Variants in HSF5 observed in about 807,000 individuals in gnomAD.
HSF5 encodes heat shock transcription factor 5.
A neutral mutation model predicts 50.8 loss-of-function variants in HSF5; 5 were observed. That is an observed-to-expected ratio of 0.10 (90% CI 0.05 to 0.21). HSF5 has a LOEUF of 0.21. HSF5 is among the 10% of genes least tolerant of loss of function. HSF5 has a pLI of 1.00. For missense variants in HSF5, 564 were observed against 762.6 expected (o/e 0.74, Z 3.07); for synonymous variants, 307 against 307.4 (o/e 1.00, Z 0.02).
intron 1 of HSF5, among the ~76,000 whole-genome samples, chr17:58,484,219 AC>A (rs1975136880): frequency 6.6e-6 from 1 of 151,822 alleles, no homozygotes; most frequent in African/African-American, 2.4e-5. Flanking sequence ...AAAAAAAAAA[AC>A]ACCAAACAGG....
intron 1 of HSF5, among the ~76,000 whole-genome samples, chr17:58,481,533 A>G (rs1376980614): frequency 1.3e-5 from 2 of 152,238 alleles, no homozygotes; most frequent in Non-Finnish European, 2.9e-5. Context: ...GTTCCTTTCA[A>G]TTTACTAAGC....
At chr17:58,466,232 T>C (rs185385145) in intron 3 of HSF5, among the ~76,000 whole-genome samples, 8 of 152,344 alleles carry the variant, frequency 5.3e-5, no homozygotes, top group African/African-American at 1.4e-4. Flanking sequence ...GTTTACAACA[T>C]AGGGGCTATG....
Position 58,466,832 on chromosome 17 carries a change from C to T in HSF5, c.1020+53G>A, listed in dbSNP as rs1250421412. ...ATTACACTTTGAAATTTTGCAATAT[C>T]GATAAAATTGCACATAAAGCGCGGA... is the stretch of plus-strand genomic sequence containing the variant. On this transcript the variant is annotated intron_variant, in intron 3 of 5. Coordinates refer to ENST00000323777, the MANE Select transcript of HSF5 (RefSeq NM_001080439.3). 26 of 1,085,594 alleles carry T rather than the reference C, an allele frequency of 2.4e-5. 1 individual carries two copies. The highest frequency in any genetic ancestry group is 2.4e-4 in the East Asian group (10 of 42,348). The allele number at this position is 1,085,594 out of a possible 1,614,324, so 67.2% of individuals were successfully genotyped here. A position where few individuals can be genotyped will look rare whatever the true frequency, so the allele number is the denominator to read the frequency against.
intron 2 of HSF5, among the ~76,000 whole-genome samples, chr17:58,479,603 T>C (rs1975071385): frequency 6.6e-6 from 1 of 152,068 alleles, no homozygotes; most frequent in Non-Finnish European, 1.5e-5. Flanking sequence ...ACATCTGGCC[T>C]TGGGGTACTA....
intron 4 of HSF5, among the ~76,000 whole-genome samples, chr17:58,460,666 C>T (rs1444855912): frequency 2.0e-5 from 3 of 151,328 alleles, no homozygotes; most frequent in African/African-American, 7.3e-5. Flanking sequence ...CCCACCACCA[C>T]GCCCGGCTAA....
chr17:58,429,936 A>G (rs1598179897), intron 5 of HSF5, among the ~76,000 whole-genome samples: 2 of 152,166 alleles, frequency 1.3e-5, no homozygotes, highest in Non-Finnish European at 1.5e-5. Flanking sequence ...GACCAGACAA[A>G]AAGAAGGGGA....
intron 5 of HSF5, among the ~76,000 whole-genome samples, chr17:58,430,176 C>A (rs570016571): frequency 6.6e-6 from 1 of 152,214 alleles, no homozygotes; most frequent in African/African-American, 2.4e-5. Context: ...CAGGTTCAAG[C>A]AATTCTCCTG....
chr17:58,482,940 T>TA (rs1567919855), intron 1 of HSF5, among the ~76,000 whole-genome samples: 75 of 145,044 alleles, frequency 5.2e-4, no homozygotes, highest in Non-Finnish European at 7.8e-4. Context: ...ACTCTGTCTT[T>TA]TAAAAAAAAA....
At chr17:58,487,040 T>TGG (rs775148209) in intron 1 of HSF5, among the ~76,000 whole-genome samples, 27 of 151,796 alleles carry the variant, frequency 1.8e-4, no homozygotes, top group Non-Finnish European at 1.3e-4. Context: ...CCTAAGTAGC[T>TGG]GGGATTACAG....
chr17:58,429,794 C>A (rs1449059605), intron 5 of HSF5, among the ~76,000 whole-genome samples: 2 of 146,446 alleles, frequency 1.4e-5, no homozygotes, highest in Non-Finnish European at 1.5e-5. Flanking sequence ...TGCAGTGAGC[C>A]AAGATCACAC....
intron 5 of HSF5, among the ~76,000 whole-genome samples, chr17:58,424,514 AG>A (rs1193004960): frequency 2.0e-5 from 3 of 151,688 alleles, no homozygotes; most frequent in African/African-American, 7.3e-5. Flanking sequence ...AGGGAGGCTG[AG>A]GCAGGAGAAT....
chr17:58,456,164 TATAC>T (rs756839253), intron 5 of HSF5, among the ~76,000 whole-genome samples: 3,051 of 130,544 alleles, frequency 0.023, 36 homozygotes, highest in Middle Eastern at 0.044. Context: ...TGTGTGTGTA[TATAC>T]ACACACACAC....
intron 5 of HSF5, among the ~76,000 whole-genome samples, chr17:58,434,351 C>A (rs1261848611): frequency 6.6e-6 from 1 of 151,558 alleles, no homozygotes; most frequent in African/African-American, 2.4e-5. Context: ...GAAATCGAGA[C>A]CATCCCGGCC....
At chr17:58,441,391 G>GT (rs1325049417) in intron 5 of HSF5, among the ~76,000 whole-genome samples, 1 of 152,144 alleles carries the variant, frequency 6.6e-6, no homozygotes, top group Non-Finnish European at 1.5e-5. Context: ...GAAATGTATA[G>GT]TTTTAAATGT....
intron 2 of HSF5, among the ~76,000 whole-genome samples, chr17:58,478,832 C>T (rs539825043): frequency 1.9e-4 from 27 of 144,014 alleles, no homozygotes; most frequent in African/African-American, 6.9e-4. Context: ...CACTGCACTC[C>T]AGCCTGGGCA....
At position 58,435,845 on chromosome 17, in the gene HSF5, G is replaced by A. The variant is rs1974421122; in HGVS notation, c.1721-13415C>T. ...ACCTGGGAGGTGGAGCTTGTAGTGAGCCAAGATCACGCCACTGCACCGCAG... is the reference window on the plus strand; with the variant it reads ...ACCTGGGAGGTGGAGCTTGTAGTGAACCAAGATCACGCCACTGCACCGCAG... On this transcript the variant is annotated intron_variant, in intron 5 of 5. Coordinates refer to ENST00000323777, the MANE Select transcript of HSF5 (RefSeq NM_001080439.3). Among the ~76,000 whole-genome samples the A allele has an allele frequency of 2.1e-5, 3 of 141,078 alleles. No homozygotes were observed. The Admixed American group carries it at 2.3e-4, about 11-fold the overall frequency. The allele number at this position is 141,078 out of a possible 152,430, so 92.6% of individuals were successfully genotyped here. A position where few individuals can be genotyped will look rare whatever the true frequency, so the allele number is the denominator to read the frequency against.
intron 2 of HSF5, among the ~76,000 whole-genome samples, chr17:58,477,918 A>G (rs1975039282): frequency 6.6e-6 from 1 of 152,034 alleles, no homozygotes; most frequent in Non-Finnish European, 1.5e-5. Context: ...GATTTACATA[A>G]CTGAAAAAAT....
chr17:58,426,566 T>TA (rs2143723927), intron 5 of HSF5, among the ~76,000 whole-genome samples: 1 of 152,340 alleles, frequency 6.6e-6, no homozygotes, highest in South Asian at 2.1e-4. Context: ...TTGGGGCTAT[T>TA]ACCTTAATAA....
In HSF5 at chr17:58,423,581, G is replaced by T. The variant is rs917542510; in HGVS notation, c.1721-1151C>A. Among the ~76,000 whole-genome samples, 15 of 146,834 alleles carry T rather than the reference G, an allele frequency of 1.0e-4. No homozygotes were observed. In the Admixed American group the frequency reaches 1.1e-3, roughly 10 times the overall value. On this transcript the variant is annotated intron_variant, in intron 5 of 5. Transcript: ENST00000323777. Reference sequence around the variant, plus strand: ...AGCAAACTCCGCCTCCCGGGTTCATGCGATTCTCCTGCCTCAGCCTCCCAA... The same window carrying T: ...AGCAAACTCCGCCTCCCGGGTTCATTCGATTCTCCTGCCTCAGCCTCCCAA...
Sources: gnomAD v4.1 joint callset for allele counts (sites outside exome capture counted in the v4.1 genomes callset) on GRCh38, gnomAD v4.1.1 for gene constraint, MANE v1.5 for transcripts, NCBI Gene and HGNC (gene_info 2026-07-23, HGNC 2026-07-21) for gene names.